Variants in HABP2 observed in about 807,000 individuals in gnomAD.
HABP2 encodes the protein hyaluronan binding protein 2.
HABP2 carries 65 observed loss-of-function variants against 66.5 expected under a neutral mutation model. The observed-to-expected ratio is 0.98, with a 90% CI of 0.80 to 1.20. The LOEUF (loss-of-function observed/expected upper bound fraction) is 1.20. HABP2 is among the 50% of genes most tolerant of loss of function. The pLI, the probability that HABP2 is intolerant of heterozygous loss-of-function variation, is 0.00. For synonymous variants in HABP2, 263 were observed against 253.9 expected, an observed-to-expected ratio of 1.04 and a Z score of -0.34; for missense variants, 786 against 691.0, an observed-to-expected ratio of 1.14 and a Z score of -1.54.
intron 2 of HABP2, among the ~76,000 whole-genome samples, chr10:113,572,282 C>G (rs1440055136): frequency 1.3e-5 from 2 of 152,248 alleles, no homozygotes; most frequent in Non-Finnish European, 2.9e-5. Flanking sequence ...TCAAAATCCT[C>G]TAACAGACAT....
At chr10:113,586,444 A>T (rs1845634350) in intron 12 of HABP2, among the ~76,000 whole-genome samples, 1 of 128,554 alleles carries the variant, frequency 7.8e-6, no homozygotes, top group South Asian at 2.9e-4. Flanking sequence ...TTAACTCATG[A>T]TTAGGACTCA....
chr10:113,587,131 A>G (rs1282051611), intron 12 of HABP2, among the ~76,000 whole-genome samples: 1 of 152,252 alleles, frequency 6.6e-6, no homozygotes, highest in East Asian at 1.9e-4. Flanking sequence ...CCTAGCCAAC[A>G]TGGTGAAACC....
chr10:113,588,400 C>T lies in HABP2; in HGVS notation c.*31C>T, dbSNP rs1845708882. ...TGTCTTCTGGACCTCAGAGCCCACT[C>T]TCCTTGGCACCCTGACACCGGGAGG... On this transcript the variant is annotated 3_prime_UTR_variant, in exon 13 of 13. Coordinates refer to ENST00000351270, the MANE Select transcript of HABP2 (RefSeq NM_004132.5). 1.3e-6 allele frequency: 2 copies of T among 1,566,416 alleles called. No homozygotes were observed. Among genetic ancestry groups the T allele is most frequent in the African/African-American group, 2.7e-5 (2 of 73,476 alleles).
At chr10:113,584,317 G>T in intron 11 of HABP2, 35 bp downstream of exon 11, 1 of 1,601,002 alleles carries the variant, frequency 6.2e-7, no homozygotes, top group South Asian at 1.1e-5. Context: ...TGACTTAGGT[G>T]AACTACATCA....
At chr10:113,552,363 C>T (rs555174339), upstream of HABP2, among the ~76,000 whole-genome samples, 2 of 152,244 alleles carry the variant, frequency 1.3e-5, no homozygotes, top group Admixed American at 6.5e-5. Context: ...GTAATTGCTG[C>T]TTGACAGAAC....
At chr10:113,557,594 T>TG (rs1368431528) in intron 1 of HABP2, among the ~76,000 whole-genome samples, 2 of 151,936 alleles carry the variant, frequency 1.3e-5, no homozygotes, top group Admixed American at 6.6e-5. Flanking sequence ...GAAAAATGGT[T>TG]GGCGGGGAGG....
intron 10 of HABP2, among the ~76,000 whole-genome samples, chr10:113,583,870 C>G (rs1845586912): frequency 6.6e-6 from 1 of 152,318 alleles, no homozygotes; most frequent in South Asian, 2.1e-4. Context: ...TCTCTCCTTC[C>G]TCAATAGCTT....
chr10:113,585,062 G>T (rs968439749), intron 11 of HABP2, among the ~76,000 whole-genome samples: 10 of 152,224 alleles, frequency 6.6e-5, no homozygotes, highest in African/African-American at 2.4e-4. Flanking sequence ...TAAGTCTGCA[G>T]AAATTCCACA....
At chr10:113,579,549 A>G (rs1565105536) in intron 7 of HABP2, among the ~76,000 whole-genome samples, 1 of 152,220 alleles carries the variant, frequency 6.6e-6, no homozygotes, top group Non-Finnish European at 1.5e-5. Flanking sequence ...CTCTGGCCCA[A>G]GGATGTTCAG....
chr10:113,552,821 C>T (rs1331167378), upstream of HABP2, among the ~76,000 whole-genome samples: 2 of 152,146 alleles, frequency 1.3e-5, no homozygotes, highest in Non-Finnish European at 2.9e-5. Context: ...CTCGGAACAC[C>T]CAGCAGCTGT....
Position 113,582,066 on chromosome 10 carries a change from G to T in HABP2, c.1029G>T (p.Gln343His), listed in dbSNP as rs747653040. ...TGCCTCTGACCATCTCCATGCCCCAGGGCCACTTCTGTGGTGGGGCGCTGA... is the reference window on the plus strand; with the variant it reads ...TGCCTCTGACCATCTCCATGCCCCATGGCCACTTCTGTGGTGGGGCGCTGA... ...SSLPLTISMP[Q>H]GHFCGGALIH... Residue 343 changes from glutamine to histidine, a missense_variant, in exon 9 of 13, where the codon CAG (glutamine) becomes CAT (histidine). Physicochemically the swap from Gln to His is conservative, Grantham distance 24. Transcript: ENST00000351270. 14 of 1,613,144 alleles carry T rather than the reference G, an allele frequency of 8.7e-6. No homozygotes were observed. Among genetic ancestry groups the T allele is most frequent in the Non-Finnish European group, 1.2e-5 (14 of 1,179,880 alleles).
At chr10:113,557,115 A>T (rs1845012088) in intron 1 of HABP2, among the ~76,000 whole-genome samples, 1 of 152,158 alleles carries the variant, frequency 6.6e-6, no homozygotes, top group Non-Finnish European at 1.5e-5. Flanking sequence ...AAGCATCCAC[A>T]CCTGCATGGG....
rs1167387792 is a variant in HABP2, at chr10:113,583,256, G to A, written c.1135G>A (p.Asp379Asn). 1 of 1,613,122 alleles carries A rather than the reference G, an allele frequency of 6.2e-7. No homozygotes were observed. Among genetic ancestry groups the A allele is most frequent in the Admixed American group, 1.7e-5 (1 of 60,024 alleles). ...RHLKVVLGDQ[D>N]LKKEEFHEQS... ...TCTAAAGGTGGTGCTAGGGGACCAGGACCTGAAGAAAGAAGAATTTCATGA... is the reference window on the plus strand; with the variant it reads ...TCTAAAGGTGGTGCTAGGGGACCAGAACCTGAAGAAAGAAGAATTTCATGA... The change falls in exon 10 of 13, where the codon GAC becomes AAC. Residue 379 changes from aspartate (D) to asparagine (N), a missense_variant. Asp to Asn is a conservative substitution (Grantham distance 23). Transcript: ENST00000351270.
intron 1 of HABP2, among the ~76,000 whole-genome samples, chr10:113,555,653 T>C (rs1446712228): frequency 1.3e-5 from 2 of 152,212 alleles, no homozygotes; most frequent in Non-Finnish European, 2.9e-5. Context: ...TGCTGTGAAC[T>C]CCAGGGCATC....
chr10:113,578,798 G>C lies in HABP2; in HGVS notation c.740G>C (p.Arg247Thr), dbSNP rs775496528. 3 of 1,598,730 alleles carry C rather than the reference G, an allele frequency of 1.9e-6. No homozygotes were observed. The highest frequency in any genetic ancestry group is 1.1e-5 in the South Asian group (1 of 90,506). The change falls in exon 7 of 13, where the codon AGA becomes ACA. Residue 247 changes from arginine (R) to threonine (T), a missense_variant and splice_region_variant. By Grantham distance (71) the Arg-to-Thr change is moderately conservative. Coordinates refer to ENST00000351270, the MANE Select transcript of HABP2 (RefSeq NM_004132.5). ...THGIGEHNFC[R>T]NPDADEKPWC... The stretch of plus-strand genomic sequence containing the variant: ...GGGATTGGGGAACACAATTTCTGCA[G>C]GTAACATTTACCTTATTTATGCTCA...
At chr10:113,567,970 C>A (rs941877987) in intron 2 of HABP2, among the ~76,000 whole-genome samples, 2 of 152,200 alleles carry the variant, frequency 1.3e-5, no homozygotes, top group African/African-American at 4.8e-5. Context: ...CCTGGTGATA[C>A]CCTCACACCA....
intron 7 of HABP2, among the ~76,000 whole-genome samples, chr10:113,580,130 C>T (rs1412167694): frequency 6.7e-6 from 1 of 149,188 alleles, no homozygotes; most frequent in African/African-American, 2.5e-5. Flanking sequence ...CTTGCACTCA[C>T]CTTGAGCTGT....
intron 7 of HABP2, among the ~76,000 whole-genome samples, 168 bp from the exon 8 acceptor site, chr10:113,580,427 C>T (rs1845502779): frequency 6.6e-6 from 1 of 152,142 alleles, no homozygotes; most frequent in African/African-American, 2.4e-5. Flanking sequence ...AGAAAAAATA[C>T]TATAAACACC....
Position 113,583,224 on chromosome 10 carries a change from C to A in HABP2, c.1103C>A (p.Thr368Asn). ...LTAAHCTDIKTRHLKVVLGDQ... is the reference protein window; with the variant it reads ...LTAAHCTDIKNRHLKVVLGDQ... ...CTCATTTTCCCTTGCAGCATAAAAA[C>A]CAGACATCTAAAGGTGGTGCTAGGG... The change falls in exon 10 of 13, where the codon ACC becomes AAC. Residue 368 changes from threonine (T) to asparagine (N), a missense_variant. Coordinates refer to ENST00000351270, the MANE Select transcript of HABP2 (RefSeq NM_004132.5). The A allele has an allele frequency of 6.2e-7, 1 of 1,613,754 alleles. No individual in the cohort carries two copies. Among genetic ancestry groups the A allele is most frequent in the South Asian group, 1.1e-5 (1 of 91,012 alleles).
Sources: allele counts gnomAD v4.1 joint callset (sites outside exome capture counted in the v4.1 genomes callset), GRCh38; gene constraint gnomAD v4.1.1; transcripts MANE v1.5; gene names NCBI Gene and HGNC (gene_info 2026-07-23, HGNC 2026-07-21).